The following TEN1 variants were observed in gnomAD, a reference collection of about 807,000 sequenced individuals.
TEN1 encodes the protein CST complex subunit TEN1.
Under a neutral mutation model 9.3 loss-of-function variants are expected in TEN1, and 6 were observed. The ratio of observed to expected loss-of-function variants is 0.65; its 90% CI spans 0.35 to 1.27. The LOEUF (loss-of-function observed/expected upper bound fraction) is 1.27, where lower values mean the gene tolerates loss of function less well. Among genes scored for constraint, TEN1 ranks in the 50% most tolerant of loss-of-function variants. The pLI is 0.03. For missense variants in TEN1, 149 were observed against 158.2 expected (o/e 0.94, Z 0.31); for synonymous variants, 65 against 65.6 (o/e 0.99, Z 0.04).
intron 3 of TEN1, among the ~76,000 whole-genome samples, chr17:75,994,802 C>G (rs1469499173): frequency 6.6e-6 from 1 of 152,096 alleles, no homozygotes; most frequent in Non-Finnish European, 1.5e-5. Context: ...GTCATACACG[C>G]TCGTCATTCA....
chr17:76,000,078 C>G lies in TEN1; in HGVS notation c.251-63C>G. 6.5e-7 allele frequency: 1 copy of G among 1,529,236 alleles called. No homozygotes were observed. Among genetic ancestry groups the G allele is most frequent in the Non-Finnish European group, 8.8e-7 (1 of 1,132,818 alleles). The allele number at this position is 1,529,236 out of a possible 1,614,324, so 94.7% of individuals were successfully genotyped here. A position where few individuals can be genotyped will look rare whatever the true frequency, so the allele number is the denominator to read the frequency against. ...CTGTGGAGGGAACAGCTGGAATGCA[C>G]CTTGGAGGACGTTGTTGACACGCCG... On this transcript the variant is annotated intron_variant, in intron 3 of 3. Coordinates refer to ENST00000397640, the MANE Select transcript of TEN1 (RefSeq NM_001113324.3). The surrounding 1 kb of genome is among the most constrained non-coding windows in gnomAD (Gnocchi z 5.9).
At chr17:75,988,582 A>AAAAG (rs2066166508) in intron 2 of TEN1, among the ~76,000 whole-genome samples, 1 of 140,224 alleles carries the variant, frequency 7.1e-6, no homozygotes, top group Admixed American at 7.0e-5. Context: ...AAAAAAAAAA[A>AAAAG]AAAAAGAAAA....
rs989236496 is a variant in TEN1, at chr17:75,986,208, C to G, written c.16C>G (p.Pro6Ala). MMLPK[P>A]GTYYLPWEVS... is the part of the protein sequence containing the mutation. ...ACAGGAGCCCATGATGCTGCCCAAA[C>G]CTGGGACCTATTACCTCCCCTGGGA... The change falls in exon 2 of 4, where the codon CCT (proline) becomes GCT (alanine). Residue 6 changes from proline (P) to alanine (A), a missense_variant. Transcript: ENST00000397640. The G allele has an allele frequency of 6.5e-7, 1 of 1,549,498 alleles. No individual in the cohort carries two copies. Among genetic ancestry groups the G allele is most frequent in the Non-Finnish European group, 8.7e-7 (1 of 1,145,996 alleles).
At chr17:75,999,035 G>A (rs2066235525) in intron 3 of TEN1, among the ~76,000 whole-genome samples, 2 of 151,612 alleles carry the variant, frequency 1.3e-5, no homozygotes, top group South Asian at 4.2e-4. Context: ...AGCTATGACT[G>A]GGGAAAAAAG....
intron 2 of TEN1, among the ~76,000 whole-genome samples, chr17:75,990,052 T>G (rs2066175945): frequency 1.3e-5 from 2 of 149,102 alleles, no homozygotes; most frequent in South Asian, 4.2e-4. Context: ...CAACCTAGAT[T>G]TTTTTTTTTT....
chr17:75,984,344 G>A (rs1211201190), intron 1 of TEN1, among the ~76,000 whole-genome samples: 3 of 152,082 alleles, frequency 2.0e-5, no homozygotes, highest in African/African-American at 7.2e-5. Context: ...AAGAAATAAT[G>A]GTCGGCTTTC....
intron 2 of TEN1, among the ~76,000 whole-genome samples, chr17:75,991,162 A>AG (rs1398177508): frequency 4.0e-5 from 6 of 150,672 alleles, no homozygotes; most frequent in East Asian, 3.9e-4. Context: ...AAAAAAAAAA[A>AG]AAAAAAGAAA....
At chr17:75,983,153 C>T (rs1416179088) in intron 1 of TEN1, among the ~76,000 whole-genome samples, 5 of 151,590 alleles carry the variant, frequency 3.3e-5, no homozygotes, top group Non-Finnish European at 7.4e-5. Flanking sequence ...TGGTGGCACA[C>T]GCCTGTATTC....
rs541269122 is a variant in TEN1, at chr17:75,983,424, G to A, written c.-6-2763G>A. On this transcript the variant is annotated intron_variant, in intron 1 of 3. Transcript: ENST00000397640. ...CAGAAAAACAGGAACATCTAGTGGG[G>A]ACACTCCTTTAGTCCCCTCATGTTA... Among the ~76,000 whole-genome samples, 7 of 152,276 alleles carry A rather than the reference G, an allele frequency of 4.6e-5. No individual in the cohort carries two copies. In the South Asian group the frequency reaches 1.5e-3, roughly 32 times the overall value.
In TEN1 at chr17:75,991,484, G is replaced by A; in HGVS notation, c.111G>A (p.Met37Ile). The A allele has an allele frequency of 6.4e-7, 1 of 1,552,288 alleles. No individual in the cohort carries two copies. The change falls in exon 3 of 4, where the codon ATG becomes ATA. Residue 37 changes from methionine to isoleucine, a missense_variant. Transcript: ENST00000397640. ...RTFGRLCLYDMIQSRVTLMAQ... is the reference protein window; with the variant it reads ...RTFGRLCLYDIIQSRVTLMAQ... ...CTTCCAGGTTGTGCCTCTATGACAT[G>A]ATTCAGTCCAGAGTAACACTGATGG... is the stretch of plus-strand genomic sequence containing the variant.
intron 1 of TEN1, among the ~76,000 whole-genome samples, chr17:75,980,942 C>G (rs55949680): frequency 2.7e-4 from 41 of 152,112 alleles, no homozygotes; most frequent in Admixed American, 1.7e-3. Flanking sequence ...GTGCCTGCCC[C>G]GCTAAAGGTG....
chr17:75,995,609 C>T (rs2144361853), intron 3 of TEN1, among the ~76,000 whole-genome samples: 1 of 152,314 alleles, frequency 6.6e-6, no homozygotes, highest in East Asian at 1.9e-4. Flanking sequence ...CATCCAAAGG[C>T]CCGAGGGCCC....
At chr17:75,991,444 T>C in intron 2 of TEN1, 22 bp from the exon 3 acceptor site, 2 of 1,551,556 alleles carry the variant, frequency 1.3e-6, no homozygotes, top group Non-Finnish European at 1.7e-6. Context: ...ATGGAAATTA[T>C]TGCATTTCTT....
intron 2 of TEN1, among the ~76,000 whole-genome samples, chr17:75,991,149 C>CAAAAAAAAAAA (rs71361699): frequency 4.3e-5 from 3 of 70,212 alleles, no homozygotes; most frequent in African/African-American, 6.4e-5. Flanking sequence ...GACTCCATCT[C>CAAAAAAAAAAA]AAAAAAAAAA....
At chr17:75,997,968 C>T (rs2066227274) in intron 3 of TEN1, among the ~76,000 whole-genome samples, 1 of 151,864 alleles carries the variant, frequency 6.6e-6, no homozygotes, top group Admixed American at 6.6e-5. Flanking sequence ...GATTCTGCCT[C>T]AGCCTCCCTA....
intron 3 of TEN1, among the ~76,000 whole-genome samples, chr17:75,997,991 A>G (rs998781402): frequency 1.1e-4 from 17 of 150,992 alleles, no homozygotes; most frequent in African/African-American, 2.7e-4. Flanking sequence ...AGCTGGGATT[A>G]CAGGTGCCCG....
At chr17:75,987,187 TA>T in intron 2 of TEN1, among the ~76,000 whole-genome samples, 1 of 139,384 alleles carries the variant, frequency 7.2e-6, no homozygotes, top group Admixed American at 6.7e-5. Context: ...GGGAGTGGTT[TA>T]ACTGTTTGGA....
At chr17:75,986,424 G>A (rs58190545) in intron 2 of TEN1, 140 bp downstream of exon 2, 64,738 of 803,320 alleles carry the variant, frequency 0.081, 8,897 homozygotes, top group African/African-American at 0.53. Flanking sequence ...ATTAGTTGCC[G>A]GGCGCGGTGG....
At position 75,991,589 on chromosome 17, in the gene TEN1, G is replaced by A. The variant is rs1457897754; in HGVS notation, c.216G>A (p.Leu72=). Residue 72 remains leucine, a synonymous_variant, in exon 3 of 4, where the codon CTG becomes CTA. Coordinates refer to ENST00000397640, the MANE Select transcript of TEN1 (RefSeq NM_001113324.3). ...VEPFHAQVGS[L]YIVLGELQHQ... ...CCTTCCACGCCCAGGTGGGCTCCCT[G>A]TACATCGTCCTCGGGGAGCTCCAGC... The A allele has an allele frequency of 2.6e-6, 4 of 1,551,868 alleles. No homozygotes were observed. The highest frequency in any genetic ancestry group is 4.9e-5 in the East Asian group (2 of 40,938).
Sources: gnomAD v4.1 joint callset for allele counts (sites outside exome capture counted in the v4.1 genomes callset) on GRCh38, gnomAD v4.1.1 for gene constraint, Gnocchi (gnomAD v3.1) non-coding constraint, MANE v1.5 for transcripts, NCBI Gene and HGNC (gene_info 2026-07-23, HGNC 2026-07-21) for gene names.